OMD: variants seen among roughly 807,000 people sequenced by gnomAD.
The protein encoded by OMD is osteomodulin, also known as KSPG osteomodulin.
Under a neutral mutation model 31.2 loss-of-function variants are expected in OMD, and 19 were observed. The observed-to-expected ratio is 0.61, with a 90% CI of 0.42 to 0.89. The LOEUF (loss-of-function observed/expected upper bound fraction) is 0.89, where lower values mean the gene tolerates loss of function less well. OMD is among the 40% of genes least tolerant of loss of function. The probability of loss-of-function intolerance (pLI) is 0.00; values close to 1 mark genes in which losing one functional copy is unlikely to be tolerated. For synonymous variants in OMD, 155 were observed against 166.4 expected, an observed-to-expected ratio of 0.93 and a Z score of 0.53; for missense variants, 448 against 490.8, an observed-to-expected ratio of 0.91 and a Z score of 0.82.
At position 92,417,700 on chromosome 9, in the gene OMD, A is replaced by C. The variant is rs1194548832; in HGVS notation, c.-16-126T>G. 5 of 608,032 alleles carry C rather than the reference A, an allele frequency of 8.2e-6. No individual in the cohort carries two copies. The African/African-American group carries it at 9.4e-5, about 11-fold the overall frequency. 37.7% of individuals were successfully genotyped at this position (608,032 alleles called of 1,614,324 possible). A position where few individuals can be genotyped will look rare whatever the true frequency, so the allele number is the denominator to read the frequency against. ...TATATATAAAAGAATATCCAGAAAG[A>C]ATGGGCAGTGCTCAAACCAAAATTT... On this transcript the variant is annotated intron_variant, in intron 1 of 2. Transcript: ENST00000375550.
Position 92,421,445 on chromosome 9 carries a change from C to T in OMD, c.-17+2757G>A, listed in dbSNP as rs746882699. On this transcript the variant is annotated intron_variant, in intron 1 of 2. Coordinates refer to ENST00000375550, the MANE Select transcript of OMD (RefSeq NM_005014.3). ...GTGATTTCACACTACAGTCAGTGTT[C>T]GTGGGTGAAAAAGTAGAGAATCTTG... 1.0e-3 allele frequency among the ~76,000 whole-genome samples: 154 copies of T among 152,154 alleles called. 3 individuals are homozygous for T. Among genetic ancestry groups the T allele is most frequent in the Admixed American group, 1.7e-3 (26 of 15,288 alleles).
At chr9:92,416,594 C>T in intron 2 of OMD, 25 bp downstream of exon 2, 9 of 1,370,598 alleles carry the variant, frequency 6.6e-6, no homozygotes, top group Non-Finnish European at 9.0e-6. Flanking sequence ...TTTCTCTCTT[C>T]AAAACACAAT....
chr9:92,421,439 A>G (rs185017754), intron 1 of OMD, among the ~76,000 whole-genome samples: 6 of 152,322 alleles, frequency 3.9e-5, no homozygotes, highest in African/African-American at 1.2e-4. Flanking sequence ...CACTACAGTC[A>G]GTGTTCGTGG....
intron 1 of OMD, among the ~76,000 whole-genome samples, chr9:92,420,136 A>G (rs1035047668): frequency 6.6e-6 from 1 of 151,964 alleles, no homozygotes; most frequent in East Asian, 1.9e-4. Flanking sequence ...TGTCTTTTCT[A>G]TTACTGGAAC....
intron 2 of OMD, among the ~76,000 whole-genome samples, chr9:92,416,062 A>G (rs1284219009): frequency 2.1e-4 from 20 of 95,820 alleles, no homozygotes; most frequent in African/African-American, 5.4e-4. Context: ...ATGTGTGTAT[A>G]TATATATATT....
intron 1 of OMD, among the ~76,000 whole-genome samples, chr9:92,422,849 A>G (rs1463573931): frequency 1.3e-5 from 2 of 152,206 alleles, no homozygotes; most frequent in Non-Finnish European, 2.9e-5. Context: ...TCATTTGCTA[A>G]GCATATTTTT....
rs1280093401 is a variant in OMD, at chr9:92,417,175, T to C, written c.384A>G (p.Lys128=). The C allele has an allele frequency of 5.6e-6, 9 of 1,613,900 alleles. No individual in the cohort carries two copies. Among genetic ancestry groups the C allele is most frequent in the Non-Finnish European group, 7.6e-6 (9 of 1,179,960 alleles). The change falls in exon 2 of 3, where the codon AAA becomes AAG. Residue 128 remains lysine, a synonymous_variant. Coordinates refer to ENST00000375550, the MANE Select transcript of OMD (RefSeq NM_005014.3). Reference sequence around the variant, plus strand: ...ACACACCATAATCAATCTTTTGAGATTTAATTTTGTTGTGGCTGAGGTTAA... The same window carrying C: ...ACACACCATAATCAATCTTTTGAGACTTAATTTTGTTGTGGCTGAGGTTAA... ...KEINLSHNKI[K]SQKIDYGVFA...
chr9:92,416,573 G>T, intron 2 of OMD, 46 bp downstream of exon 2: 1 of 1,179,752 alleles, frequency 8.5e-7, no homozygotes, highest in Non-Finnish European at 1.2e-6. Context: ...TAAAAGATCA[G>T]GATTCCATTC....
chr9:92,423,700 A>C (rs1588120833), intron 1 of OMD, among the ~76,000 whole-genome samples: 1 of 152,168 alleles, frequency 6.6e-6, no homozygotes, highest in South Asian at 2.1e-4. Flanking sequence ...TCCCTTTGAG[A>C]AAGAAGTAAA....
In OMD at chr9:92,424,374, A is replaced by AATT. The variant is rs1843904578; in HGVS notation, c.-190_-189insAAT. ...ATTTAAGCAAATACAATCTTCTTGG[A>AATT]AAACACTCGGGTTGAATTAAAATTA... On this transcript the variant is annotated 5_prime_UTR_variant, in exon 1 of 3. Coordinates refer to ENST00000375550, the MANE Select transcript of OMD (RefSeq NM_005014.3). The AATT allele has an allele frequency of 2.0e-5, 3 of 152,142 alleles. No homozygotes were observed. The South Asian group carries it at 6.2e-4, about 32-fold the overall frequency. The allele number at this position is 152,142 out of a possible 1,614,324, so 9.4% of individuals were successfully genotyped here.
chr9:92,416,691 TG>T lies in OMD; in HGVS notation c.867del (p.His289GlnfsTer4). On this transcript the variant is annotated frameshift_variant, in exon 2 of 3. Transcript: ENST00000375550. LOFTEE classifies it high-confidence loss of function. ...LPNIVELSVG[H>X]NKLKQAFYIP... The stretch of plus-strand genomic sequence containing the variant: ...ATATAGAATGCTTGCTTCAATTTGT[TG>T]TGTCCAACACTGAGTTCTACAATGT... 2 of 1,611,904 alleles carry T rather than the reference TG, an allele frequency of 1.2e-6. No individual in the cohort carries two copies. Among genetic ancestry groups the T allele is most frequent in the Non-Finnish European group, 1.7e-6 (2 of 1,179,408 alleles).
rs1487197606 is a variant in OMD, at chr9:92,415,254, A to G, written c.1164T>C (p.Asp388=). The change falls in exon 3 of 3, where the codon GAT becomes GAC. Residue 388 remains aspartate (D), a synonymous_variant. Transcript: ENST00000375550. ...CAGGATCATCGTGATCTTCACTTTC[A>G]TCATCATCATCTGGAAATCTCCTGA... ...QVFRRFPDDD[D]ESEDHDDPDN... is the part of the protein sequence containing the mutation. The G allele has an allele frequency of 1.2e-6, 2 of 1,611,938 alleles. No individual in the cohort carries two copies. Among genetic ancestry groups the G allele is most frequent in the Non-Finnish European group, 1.7e-6 (2 of 1,178,232 alleles).
chr9:92,415,273 C>A lies in OMD; in HGVS notation c.1145G>T (p.Arg382Ile), dbSNP rs1227769377. 1 of 1,613,600 alleles carries A rather than the reference C, an allele frequency of 6.2e-7. No individual in the cohort carries two copies. Among genetic ancestry groups the A allele is most frequent in the Admixed American group, 1.7e-5 (1 of 59,972 alleles). The change falls in exon 3 of 3, where the codon AGA (arginine) becomes ATA (isoleucine). Residue 382 changes from arginine to isoleucine, a missense_variant. Physicochemically the swap from Arg to Ile is moderately conservative, Grantham distance 97 (BLOSUM62 -3). Transcript: ENST00000375550. The part of the protein sequence containing the change: ...TIQLKTQVFR[R>I]FPDDDDESED... Reference sequence around the variant, plus strand: ...ACTTTCATCATCATCATCTGGAAATCTCCTGAAAACTTGTGTCTTTAGTTG... The same window carrying A: ...ACTTTCATCATCATCATCTGGAAATATCCTGAAAACTTGTGTCTTTAGTTG...
chr9:92,416,070 ATTTATTTATTTATT>A (rs1374257710), intron 2 of OMD, among the ~76,000 whole-genome samples: 1 of 131,326 alleles, frequency 7.6e-6, no homozygotes, highest in Admixed American at 8.2e-5. Context: ...ATATATATAT[ATTTATTTATTTATT>A]TATTTATTTA....
chr9:92,417,672 G>C, intron 1 of OMD, 98 bp from the exon 2 acceptor site: 2 of 690,924 alleles, frequency 2.9e-6, no homozygotes, highest in East Asian at 2.8e-5. Flanking sequence ...TTATACCTAT[G>C]TCTATATATA....
At position 92,416,742 on chromosome 9, in the gene OMD, G is replaced by T; in HGVS notation, c.817C>A (p.Pro273Thr). ...TTGGGAAGATTAAAAATATTATATG[G>T]GATGTCTTGTAGTTTGTTGTGTGAC... is the stretch of plus-strand genomic sequence containing the variant. The part of the protein sequence containing the change: ...RMSHNKLQDI[P>T]YNIFNLPNIV... The change falls in exon 2 of 3, where the codon CCA becomes ACA. Residue 273 changes from proline to threonine, a missense_variant. By Grantham distance (38) the Pro-to-Thr change is conservative. Transcript: ENST00000375550. 6.2e-7 allele frequency: 1 copy of T among 1,613,280 alleles called. No individual in the cohort carries two copies. Among genetic ancestry groups the T allele is most frequent in the Non-Finnish European group, 8.5e-7 (1 of 1,179,350 alleles).
chr9:92,416,231 C>T (rs908699987), intron 2 of OMD, among the ~76,000 whole-genome samples: 1 of 151,540 alleles, frequency 6.6e-6, no homozygotes, highest in African/African-American at 2.4e-5. Flanking sequence ...TCTTAAGTAG[C>T]TGGGAGTACA....
Position 92,417,256 on chromosome 9 carries a change from A to G in OMD, c.303T>C (p.Asn101=), listed in dbSNP as rs374762707. The G allele has an allele frequency of 8.4e-5, 135 of 1,613,910 alleles. No homozygotes were observed. Among genetic ancestry groups the G allele is most frequent in the Non-Finnish European group, 1.0e-4 (121 of 1,179,976 alleles). The change falls in exon 2 of 3, where the codon AAT becomes AAC. Residue 101 remains asparagine (N), a synonymous_variant. Coordinates refer to ENST00000375550, the MANE Select transcript of OMD (RefSeq NM_005014.3). ...AATTTGCAGTCACAGCCTCAATTTC[A>G]TTGAACTGAAGGTAGAGTTGCTGAA... ...MHIQQLYLQF[N]EIEAVTANSF...
intron 2 of OMD, among the ~76,000 whole-genome samples, chr9:92,416,058 G>GTGTGTGTGTATATATATA (rs6151074): frequency 2.1e-4 from 28 of 130,890 alleles, no homozygotes; most frequent in Admixed American, 1.9e-3. Context: ...ATATATGTGT[G>GTGTGTGTGTATATATATA]TATATATATA....
Sources: allele counts gnomAD v4.1 joint callset (sites outside exome capture counted in the v4.1 genomes callset), GRCh38; gene constraint gnomAD v4.1.1; transcripts MANE v1.5; gene names NCBI Gene and HGNC (gene_info 2026-07-23, HGNC 2026-07-21).